Variants in ABCA13 observed in about 807,000 individuals in gnomAD.
The protein encoded by ABCA13 is ATP binding cassette subfamily A member 13, also known as ATP-binding cassette sub-family A member 13.
ABCA13 carries 476 observed loss-of-function variants against 478.7 expected under a neutral mutation model. The observed-to-expected ratio is 0.99, with a 90% CI of 0.92 to 1.07. ABCA13 has a LOEUF of 1.07. Among genes scored for constraint, ABCA13 ranks in the 50% least tolerant of loss-of-function variants. The probability of loss-of-function intolerance (pLI) is 0.00; values close to 1 mark genes in which losing one functional copy is unlikely to be tolerated. For synonymous variants in ABCA13, 2,252 were observed against 2,158.9 expected (o/e 1.04, Z -1.20); for missense variants, 6,060 against 5,910.6 (o/e 1.03, Z -0.83).
rs751403158 is a variant in ABCA13 at position 48,272,575 on chromosome 7, G to C, written c.2909G>C (p.Arg970Pro). 1.9e-6 allele frequency: 3 copies of C among 1,613,442 alleles called. No individual in the cohort carries two copies. The highest frequency in any genetic ancestry group is 2.2e-5 in the East Asian group (1 of 44,870). The change falls in exon 17 of 62, where the codon CGA becomes CCA. Residue 970 changes from arginine to proline, a missense_variant. This residue lies in a region of ABCA13 where 4,423 missense variants were observed against 4,309.1 expected (regional missense o/e 1.03). Transcript: ENST00000435803. ...LLLQIYSSFYRYIYELLNIQS... is the reference protein window; with the variant it reads ...LLLQIYSSFYPYIYELLNIQS... ...CTGCAAATTTATTCTTCATTTTACC[G>C]ATATATTTATGAATTATTGAATATT...
intron 6 of ABCA13, among the ~76,000 whole-genome samples, chr7:48,228,529 T>G (rs1478234841): frequency 6.6e-6 from 1 of 152,138 alleles, no homozygotes; most frequent in Non-Finnish European, 1.5e-5. Context: ...CTGGAGGACC[T>G]ACCTATGTGC....
intron 9 of ABCA13, 101 bp downstream of exon 9, chr7:48,239,506 T>C: frequency 3.6e-6 from 5 of 1,381,358 alleles, no homozygotes; most frequent in Non-Finnish European, 4.8e-6. Context: ...TTGGATTTTA[T>C]GTCCCTCCAA....
At chr7:48,268,620 T>C (rs111416919) in intron 15 of ABCA13, among the ~76,000 whole-genome samples, 2,180 of 152,316 alleles carry the variant, frequency 0.014, 21 homozygotes, top group Middle Eastern at 0.054. Flanking sequence ...CTAGCTGTCT[T>C]TCAGAGTCTA....
intron 19 of ABCA13, among the ~76,000 whole-genome samples, chr7:48,284,324 GT>G (rs149403471): frequency 2.8e-4 from 43 of 151,394 alleles, no homozygotes; most frequent in Admixed American, 1.7e-3. Flanking sequence ...GGTTTTGCAT[GT>G]TTTTTTTTCT....
At position 48,317,267 on chromosome 7, in the gene ABCA13, A is replaced by G. The variant is rs1167295160; in HGVS notation, c.9970A>G (p.Thr3324Ala). The part of the protein sequence containing the change: ...LHGKILYTPN[T>A]PEINKVIQKA... ...TGGAAAAATACTATACACACCAAAC[A>G]CTCCAGAAATTAACAAGGTCATTCA... The change falls in exon 27 of 62, where the codon ACT (threonine) becomes GCT (alanine). Residue 3324 changes from threonine (T) to alanine (A), a missense_variant. Coordinates refer to ENST00000435803, the MANE Select transcript of ABCA13 (RefSeq NM_152701.5). The G allele has an allele frequency of 6.2e-7, 1 of 1,613,506 alleles. No individual in the cohort carries two copies. The highest frequency in any genetic ancestry group is 8.5e-7 in the Non-Finnish European group (1 of 1,179,838).
chr7:48,362,340 C>G (rs1810986107), intron 31 of ABCA13, among the ~76,000 whole-genome samples: 1 of 148,974 alleles, frequency 6.7e-6, no homozygotes, highest in Non-Finnish European at 1.5e-5. Flanking sequence ...GTGGACATAA[C>G]TCTACCTTGT....
At chr7:48,609,307 A>AAT (rs903332938) in intron 58 of ABCA13, among the ~76,000 whole-genome samples, 6 of 151,982 alleles carry the variant, frequency 3.9e-5, no homozygotes, top group East Asian at 1.9e-4. Flanking sequence ...TTTCACATTA[A>AAT]ATATATATAT....
intron 42 of ABCA13, among the ~76,000 whole-genome samples, chr7:48,431,637 C>T (rs1475280064): frequency 2.0e-5 from 3 of 152,126 alleles, no homozygotes; most frequent in African/African-American, 7.2e-5. Context: ...CTATTTCTCC[C>T]TTTAAATCTG....
intron 42 of ABCA13, among the ~76,000 whole-genome samples, chr7:48,434,596 C>G (rs1585306267): frequency 6.6e-6 from 1 of 151,962 alleles, no homozygotes; most frequent in East Asian, 1.9e-4. Flanking sequence ...ACTGCAATAT[C>G]CTGAAGTTTT....
intron 6 of ABCA13, among the ~76,000 whole-genome samples, chr7:48,229,534 A>T (rs1788744884): frequency 6.6e-6 from 1 of 152,254 alleles, no homozygotes; most frequent in African/African-American, 2.4e-5. Flanking sequence ...GTATAAAATA[A>T]CACCTATGGC....
chr7:48,405,576 C>G (rs148876621), intron 39 of ABCA13, among the ~76,000 whole-genome samples: 1 of 152,172 alleles, frequency 6.6e-6, no homozygotes, highest in Non-Finnish European at 1.5e-5. Context: ...GGGACTGATG[C>G]GGAAGATCAA....
chr7:48,535,163 T>A (rs1474964538), intron 55 of ABCA13, among the ~76,000 whole-genome samples: 2 of 152,198 alleles, frequency 1.3e-5, no homozygotes, highest in African/African-American at 4.8e-5. Context: ...GATCTGGGAC[T>A]CTAGCTGCTG....
chr7:48,580,419 A>G, intron 56 of ABCA13, 45 bp downstream of exon 56: 1 of 1,578,620 alleles, frequency 6.3e-7, no homozygotes, highest in Non-Finnish European at 8.6e-7. Context: ...CCATTGAGGA[A>G]TGCTTGGTGA....
chr7:48,387,350 G>A (rs189438270), intron 35 of ABCA13, among the ~76,000 whole-genome samples: 2 of 152,148 alleles, frequency 1.3e-5, no homozygotes, highest in Non-Finnish European at 2.9e-5. Context: ...ATATGGAAAT[G>A]TTAGCATTAT....
At chr7:48,505,189 T>A (rs1831093855) in intron 48 of ABCA13, among the ~76,000 whole-genome samples, 1 of 152,144 alleles carries the variant, frequency 6.6e-6, no homozygotes, top group African/African-American at 2.4e-5. Context: ...AGCCGGAACT[T>A]GCCTTAGTAC....
intron 49 of ABCA13, 141 bp downstream of exon 49, chr7:48,506,531 T>TG: frequency 8.8e-6 from 8 of 905,558 alleles, no homozygotes; most frequent in Non-Finnish European, 1.4e-5. Context: ...CCCACAGGAC[T>TG]TGGGCATTTC....
At chr7:48,544,597 C>A (rs1784647965) in intron 55 of ABCA13, among the ~76,000 whole-genome samples, 1 of 151,832 alleles carries the variant, frequency 6.6e-6, no homozygotes, top group African/African-American at 2.4e-5. Flanking sequence ...AGGGTGGTTC[C>A]CAGAGAGGGA....
At chr7:48,549,614 G>C (rs1183944653) in intron 55 of ABCA13, among the ~76,000 whole-genome samples, 1 of 150,760 alleles carries the variant, frequency 6.6e-6, no homozygotes, top group Non-Finnish European at 1.5e-5. Context: ...TGATATTTCT[G>C]GTTCTAGATC....
intron 59 of ABCA13, among the ~76,000 whole-genome samples, chr7:48,628,226 A>G (rs929530646): frequency 3.9e-5 from 6 of 151,986 alleles, no homozygotes; most frequent in African/African-American, 1.5e-4. Context: ...GAACACCTGG[A>G]TGTTAGCTGA....
Sources: gnomAD v4.1 joint callset for allele counts (sites outside exome capture counted in the v4.1 genomes callset) on GRCh38, gnomAD v4.1.1 for gene constraint, gnomAD v4.1.1 regional missense constraint, MANE v1.5 for transcripts, NCBI Gene and HGNC (gene_info 2026-07-23, HGNC 2026-07-21) for gene names.